Variants in IQGAP2 observed in about 807,000 individuals in gnomAD.
IQGAP2 encodes ras GTPase-activating-like protein IQGAP2.
In IQGAP2, 173 loss-of-function variants were observed where a neutral mutation model predicts 201.3. The observed-to-expected ratio is 0.86, with a 90% CI of 0.76 to 0.98. IQGAP2 has a LOEUF of 0.98. Ranked by LOEUF, IQGAP2 falls within the 50% of genes least tolerant of loss-of-function variation. The pLI is 0.00. For missense variants in IQGAP2, 1,687 were observed against 1,864.8 expected (o/e 0.90, Z 1.76); for synonymous variants, 675 against 673.9 (o/e 1.00, Z -0.03).
chr5:76,496,763 T>TTC (rs1491285220), intron 2 of IQGAP2, among the ~76,000 whole-genome samples: 1 of 113,508 alleles, frequency 8.8e-6, no homozygotes, highest in Non-Finnish European at 1.6e-5. Flanking sequence ...CTTTCTTTCT[T>TTC]TCTTTCTTTC....
chr5:76,525,910 T>C (rs1297831551), intron 2 of IQGAP2, among the ~76,000 whole-genome samples: 1 of 152,202 alleles, frequency 6.6e-6, no homozygotes, highest in Non-Finnish European at 1.5e-5. Context: ...TACAGGTATT[T>C]CTGTTGGAGA....
chr5:76,587,949 C>CA (rs768707380), intron 5 of IQGAP2, among the ~76,000 whole-genome samples: 1,355 of 90,388 alleles, frequency 0.015, 14 homozygotes, highest in African/African-American at 0.042. Flanking sequence ...CTGTCTCAAC[C>CA]AAAAAAAAAA....
At chr5:76,512,838 C>T (rs562336630) in intron 2 of IQGAP2, among the ~76,000 whole-genome samples, 13 of 152,288 alleles carry the variant, frequency 8.5e-5, no homozygotes, top group African/African-American at 3.1e-4. Flanking sequence ...AGGCAGATCA[C>T]GAGGTCAGTA....
intron 23 of IQGAP2, among the ~76,000 whole-genome samples, chr5:76,669,568 T>TA (rs1239884639): frequency 2.0e-5 from 3 of 152,164 alleles, no homozygotes; most frequent in African/African-American, 7.2e-5. Context: ...GGTTGACTAG[T>TA]AAAGATTTTA....
At chr5:76,546,449 A>G (rs890347219) in intron 2 of IQGAP2, among the ~76,000 whole-genome samples, 5 of 152,078 alleles carry the variant, frequency 3.3e-5, no homozygotes, top group African/African-American at 1.2e-4. Flanking sequence ...AAACAAAACA[A>G]TACACCACTT....
Position 76,652,825 on chromosome 5 carries a change from A to G in IQGAP2, c.2170A>G (p.Ile724Val), listed in dbSNP as rs2431363. Residue 724 changes from isoleucine to valine, a missense_variant, in exon 18 of 36, where the codon ATT becomes GTT. By Grantham distance (29) the Ile-to-Val change is conservative. Coordinates refer to ENST00000274364, the MANE Select transcript of IQGAP2 (RefSeq NM_006633.5). Reference protein sequence around the residue: ...RQTFIDNTDSIVKIQSWFRMA... With the variant: ...RQTFIDNTDSVVKIQSWFRMA... ...AACGTTCATTGATAATACTGATTCTATTGTGAAGGTAAATACCCTTTCCTA... is the reference window on the plus strand; with the variant it reads ...AACGTTCATTGATAATACTGATTCTGTTGTGAAGGTAAATACCCTTTCCTA... The G allele has an allele frequency of 0.53, 846,531 of 1,583,262 alleles. 232,096 individuals carry two copies. The highest frequency in any genetic ancestry group is 0.57 in the Non-Finnish European group (654,494 of 1,152,014).
chr5:76,510,888 G>T, intron 2 of IQGAP2: 1 of 348,694 alleles, frequency 2.9e-6, no homozygotes, highest in Non-Finnish European at 5.6e-6. Flanking sequence ...TGTGGGGAGG[G>T]TCTCACTCTG....
intron 20 of IQGAP2, among the ~76,000 whole-genome samples, chr5:76,657,238 C>G (rs1301540424): frequency 6.6e-6 from 1 of 152,196 alleles, no homozygotes; most frequent in African/African-American, 2.4e-5. Flanking sequence ...GCCATCAACT[C>G]TGGCCACAGT....
intron 2 of IQGAP2, chr5:76,510,665 G>T (rs1054518797): frequency 3.7e-5 from 20 of 536,322 alleles, no homozygotes; most frequent in Non-Finnish European, 6.8e-5. Flanking sequence ...GACTGCCACC[G>T]CTAAACAGCC....
chr5:76,536,065 CTT>C (rs545584812), intron 2 of IQGAP2, among the ~76,000 whole-genome samples: 15 of 123,694 alleles, frequency 1.2e-4, no homozygotes, highest in African/African-American at 9.4e-5. Context: ...GGAGCATATT[CTT>C]TTTTTTTTTT....
chr5:76,614,250 C>A lies in IQGAP2; in HGVS notation c.1521+3067C>A, dbSNP rs184012937. ...GAAAGAAGCCCCTGAGTGCCCACAC[C>A]ATGCCAGCTCTGTGTCAGGCATCCT... is the stretch of plus-strand genomic sequence containing the variant. On this transcript the variant is annotated intron_variant, in intron 13 of 35. Transcript: ENST00000274364. 3.0e-4 allele frequency among the ~76,000 whole-genome samples: 45 copies of A among 152,262 alleles called. No individual in the cohort carries two copies. The East Asian group carries it at 8.1e-3, about 27-fold the overall frequency.
intron 2 of IQGAP2, among the ~76,000 whole-genome samples, chr5:76,559,268 C>T (rs973688099): frequency 6.6e-6 from 1 of 152,172 alleles, no homozygotes; most frequent in African/African-American, 2.4e-5. Context: ...AACTGTCTTT[C>T]GGTTGTCTTC....
At chr5:76,436,967 A>G (rs1204379641) in intron 1 of IQGAP2, among the ~76,000 whole-genome samples, 3 of 151,894 alleles carry the variant, frequency 2.0e-5, no homozygotes, top group African/African-American at 7.3e-5. Context: ...AACATACATT[A>G]TATGTTATGC....
intron 1 of IQGAP2, chr5:76,404,563 T>G (rs896192816): frequency 1.2e-6 from 1 of 851,070 alleles, no homozygotes; most frequent in African/African-American, 1.8e-5. Context: ...GGTGATACCT[T>G]CAGCAGGGTG....
rs145565115 is a variant in IQGAP2, at chr5:76,586,593, T to C, written c.459-2313T>C. ...GTTGCTAGTCCCTTGAAAGACTTTA[T>C]TGATAATATCCTGTGGTGATAAGGG... On this transcript the variant is annotated intron_variant, in intron 5 of 35. Coordinates refer to ENST00000274364, the MANE Select transcript of IQGAP2 (RefSeq NM_006633.5). Among the ~76,000 whole-genome samples the C allele has an allele frequency of 9.2e-5, 14 of 152,316 alleles. No individual in the cohort carries two copies. The Middle Eastern group carries it at 0.01, about 111-fold the overall frequency.
rs77777770 is a variant in IQGAP2 at position 76,411,740 on chromosome 5, A to G, written c.46+8149A>G. On this transcript the variant is annotated intron_variant, in intron 1 of 35. Coordinates refer to ENST00000274364, the MANE Select transcript of IQGAP2 (RefSeq NM_006633.5). ...GCGGAAACAAATTTCTGTTCATCAT[A>G]AATGACCCAGTCTCAGGTATTCTGT... Among the ~76,000 whole-genome samples the G allele has an allele frequency of 4.0e-3, 605 of 152,338 alleles. 8 individuals carry two copies. The highest frequency in any genetic ancestry group is 0.013 in the African/African-American group (561 of 41,572).
intron 2 of IQGAP2, among the ~76,000 whole-genome samples, chr5:76,525,298 TAGA>T (rs1390503511): frequency 1.3e-5 from 2 of 152,226 alleles, no homozygotes; most frequent in African/African-American, 2.4e-5. Flanking sequence ...TTCAGATAAA[TAGA>T]ATATCAGCAT....
intron 16 of IQGAP2, among the ~76,000 whole-genome samples, chr5:76,639,848 C>T (rs561634382): frequency 4.6e-5 from 7 of 152,054 alleles, no homozygotes; most frequent in Non-Finnish European, 7.4e-5. Context: ...TTTAGGAAAA[C>T]GACATTGTAG....
At chr5:76,521,379 C>T (rs1758677913) in intron 2 of IQGAP2, among the ~76,000 whole-genome samples, 1 of 152,180 alleles carries the variant, frequency 6.6e-6, no homozygotes, top group East Asian at 1.9e-4. Context: ...CTATTTCTCT[C>T]ATCTTTATTT....
Sources: allele counts gnomAD v4.1 joint callset (sites outside exome capture counted in the v4.1 genomes callset), GRCh38; gene constraint gnomAD v4.1.1; transcripts MANE v1.5; gene names NCBI Gene and HGNC (gene_info 2026-07-23, HGNC 2026-07-21).